Variants in CLOCK observed in about 807,000 individuals in gnomAD.
The protein encoded by CLOCK is circadian locomoter output cycles protein kaput.
Under a neutral mutation model 118.4 loss-of-function variants are expected in CLOCK, and 43 were observed. The ratio of observed to expected loss-of-function variants is 0.36; its 90% CI spans 0.28 to 0.47. CLOCK has a LOEUF of 0.47. Ranked by LOEUF, CLOCK falls within the 20% of genes least tolerant of loss-of-function variation. The pLI is 1.00. For missense variants in CLOCK, 846 were observed against 999.9 expected (o/e 0.85, Z 2.08); for synonymous variants, 326 against 339.2 (o/e 0.96, Z 0.43).
intron 9 of CLOCK, among the ~76,000 whole-genome samples, chr4:55,461,231 C>G (rs1302137024): frequency 1.3e-5 from 2 of 152,142 alleles, no homozygotes; most frequent in Admixed American, 6.6e-5. Context: ...CTCAGCCCAT[C>G]CTTACTTTTA....
rs1560445833 is a variant in CLOCK at position 55,478,796 on chromosome 4, TAC to T, written c.256+17_256+18del. ...AATGCTTTGAGAGTCTGTTCCATTT[TAC>T]AGAGTTAAAAATTTACCTTTATGTT... On this transcript the variant is annotated intron_variant, in intron 6 of 22. Coordinates refer to ENST00000513440, the MANE Select transcript of CLOCK (RefSeq NM_004898.4). 5 of 1,609,526 alleles carry T rather than the reference TAC, an allele frequency of 3.1e-6. No individual in the cohort carries two copies. The highest frequency in any genetic ancestry group is 1.1e-5 in the South Asian group (1 of 90,854).
intron 2 of CLOCK, among the ~76,000 whole-genome samples, chr4:55,505,767 T>C (rs958977884): frequency 1.1e-5 from 1 of 91,500 alleles, no homozygotes; most frequent in Admixed American, 1.4e-4. Flanking sequence ...CATTCAAACA[T>C]GCAGAAAAGT....
intron 3 of CLOCK, among the ~76,000 whole-genome samples, chr4:55,485,449 G>A (rs1727238237): frequency 6.6e-6 from 1 of 152,088 alleles, no homozygotes; most frequent in Admixed American, 6.5e-5. Flanking sequence ...AACTGGTAAG[G>A]TGGAACAGCC....
chr4:55,453,418 T>C (rs1724644161), intron 14 of CLOCK: 3 of 482,382 alleles, frequency 6.2e-6, no homozygotes, highest in Non-Finnish European at 1.1e-5. Flanking sequence ...TCCTTTTACA[T>C]GACTGACATT....
At chr4:55,463,994 C>T (rs995845680) in intron 8 of CLOCK, among the ~76,000 whole-genome samples, 189 bp from the exon 9 acceptor site, 1 of 152,066 alleles carries the variant, frequency 6.6e-6, no homozygotes, top group Non-Finnish European at 1.5e-5. Context: ...AATCCATGAC[C>T]AATATGACCT....
chr4:55,475,375 A>T lies in CLOCK; in HGVS notation c.348+588T>A, dbSNP rs116744212. 3.4e-3 allele frequency among the ~76,000 whole-genome samples: 520 copies of T among 152,346 alleles called. 3 individuals carry two copies. The highest frequency in any genetic ancestry group is 0.012 in the African/African-American group (495 of 41,588). Reference sequence around the variant, plus strand: ...CTTGAGATCGACTCTACTCCTGAAGAAGATGTGAATACTGTTGACATGACA... The same window carrying T: ...CTTGAGATCGACTCTACTCCTGAAGTAGATGTGAATACTGTTGACATGACA... On this transcript the variant is annotated intron_variant, in intron 7 of 22. Transcript: ENST00000513440.
At chr4:55,448,510 A>G (rs1724074724) in intron 18 of CLOCK, among the ~76,000 whole-genome samples, 1 of 152,044 alleles carries the variant, frequency 6.6e-6, no homozygotes, top group African/African-American at 2.4e-5. Context: ...CATTACAACA[A>G]TCAAAAATGT....
chr4:55,456,840 G>A (rs1021313734), intron 11 of CLOCK, among the ~76,000 whole-genome samples: 2 of 151,866 alleles, frequency 1.3e-5, no homozygotes, highest in African/African-American at 4.8e-5. Flanking sequence ...CACCACGCCC[G>A]GCTAATTTTT....
chr4:55,478,851 G>A lies in CLOCK; in HGVS notation c.220C>T (p.Leu74=). The A allele has an allele frequency of 2.5e-6, 4 of 1,612,842 alleles. No individual in the cohort carries two copies. Among genetic ancestry groups the A allele is most frequent in the South Asian group, 2.2e-5 (2 of 90,984 alleles). Residue 74 remains leucine, a synonymous_variant, in exon 6 of 23, where the codon CTG becomes TTG. Coordinates refer to ENST00000513440, the MANE Select transcript of CLOCK (RefSeq NM_004898.4). ...CGTAAAAAATCAATGCTTTTCTGCA[G>A]AACAGTAGATTTGTCCATCTTTCTA... The part of the protein sequence containing the change: ...NARKMDKSTV[L]QKSIDFLRKH...
At chr4:55,523,238 T>C (rs1729957038) in intron 1 of CLOCK, among the ~76,000 whole-genome samples, 1 of 152,038 alleles carries the variant, frequency 6.6e-6, no homozygotes, top group Non-Finnish European at 1.5e-5. Context: ...AGGCGGAGCT[T>C]GCAGTGAGCG....
chr4:55,435,711 A>C, intron 22 of CLOCK, 117 bp from the exon 23 acceptor site: 1 of 1,020,436 alleles, frequency 9.8e-7, no homozygotes, highest in Non-Finnish European at 1.5e-6. Context: ...TACATAATGC[A>C]TATCACTTTC....
intron 3 of CLOCK, among the ~76,000 whole-genome samples, chr4:55,487,539 G>A (rs888697672): frequency 6.6e-6 from 1 of 152,060 alleles, no homozygotes; most frequent in African/African-American, 2.4e-5. Flanking sequence ...TTTTTAACAT[G>A]TCACCCCCAT....
At chr4:55,462,616 G>A (rs990008327) in intron 9 of CLOCK, among the ~76,000 whole-genome samples, 3 of 152,198 alleles carry the variant, frequency 2.0e-5, no homozygotes, top group East Asian at 1.9e-4. Flanking sequence ...CTTGTTCTAC[G>A]TATTTACCTC....
At chr4:55,527,613 G>A (rs1186292864) in intron 1 of CLOCK, among the ~76,000 whole-genome samples, 2 of 152,118 alleles carry the variant, frequency 1.3e-5, no homozygotes, top group Non-Finnish European at 2.9e-5. Flanking sequence ...TGGGAGGTAT[G>A]TACCTGATTC....
intron 19 of CLOCK, 95 bp from the exon 20 acceptor site, chr4:55,443,991 T>A: frequency 2.7e-6 from 3 of 1,115,364 alleles, no homozygotes; most frequent in African/African-American, 1.6e-5. Flanking sequence ...AAAGTATGTT[T>A]AAAAAGCAAG....
intron 2 of CLOCK, among the ~76,000 whole-genome samples, chr4:55,505,302 A>C (rs1728732675): frequency 6.6e-6 from 1 of 152,070 alleles, no homozygotes. Flanking sequence ...AAAAAAGGGG[A>C]CTATATTTTT....
intron 1 of CLOCK, among the ~76,000 whole-genome samples, chr4:55,544,301 C>T (rs994020354): frequency 2.6e-5 from 4 of 152,034 alleles, no homozygotes; most frequent in African/African-American, 9.7e-5. Context: ...AGTTTACTAG[C>T]ACTTTAAGGG....
At chr4:55,502,880 C>A (rs1728529090) in intron 2 of CLOCK, among the ~76,000 whole-genome samples, 1 of 152,112 alleles carries the variant, frequency 6.6e-6, no homozygotes, top group African/African-American at 2.4e-5. Flanking sequence ...TTCAAATGGT[C>A]AACAGGCATT....
At chr4:55,470,637 C>A in intron 8 of CLOCK, 80 bp downstream of exon 8, 1 of 1,004,916 alleles carries the variant, frequency 1.0e-6, no homozygotes, top group South Asian at 1.3e-5. Context: ...ACACTGCTCT[C>A]AAAGTCCACT....
Sources: allele counts gnomAD v4.1 joint callset (sites outside exome capture counted in the v4.1 genomes callset), GRCh38; gene constraint gnomAD v4.1.1; transcripts MANE v1.5; gene names NCBI Gene and HGNC (gene_info 2026-07-23, HGNC 2026-07-21).